The following ELMOD1 variants were observed in gnomAD, a reference collection of about 807,000 sequenced individuals.
ELMOD1 encodes the protein ELMO domain-containing protein 1.
Under a neutral mutation model 46.7 loss-of-function variants are expected in ELMOD1, and 21 were observed. The ratio of observed to expected loss-of-function variants is 0.45; its 90% confidence interval spans 0.32 to 0.65. The LOEUF (loss-of-function observed/expected upper bound fraction) is 0.65, where lower values mean the gene tolerates loss of function less well. Among genes scored for constraint, ELMOD1 ranks in the 30% least tolerant of loss-of-function variants. The pLI is 0.04. For synonymous variants in ELMOD1, 122 were observed against 138.2 expected (o/e 0.88, Z 0.82); for missense variants, 348 against 407.8 (o/e 0.85, Z 1.26).
rs774564700 is a variant in ELMOD1, at chr11:107,647,508, G to A, written c.461G>A (p.Arg154Gln). The A allele has an allele frequency of 1.2e-5, 20 of 1,613,032 alleles. No individual in the cohort carries two copies. In the South Asian group the frequency reaches 1.8e-4, roughly 14 times the overall value. Reference protein sequence around the residue: ...FLKPNTPLESRISKQWCEIGF... With the variant: ...FLKPNTPLESQISKQWCEIGF... ...AAGCCCAATACTCCACTGGAATCTC[G>A]GATTTCTAAGCAGTGGTGTGAAATT... is the stretch of plus-strand genomic sequence containing the variant. Residue 154 changes from arginine to glutamine, a missense_variant, in exon 7 of 12, where the codon CGG becomes CAG. Transcript: ENST00000265840.
intron 1 of ELMOD1, among the ~76,000 whole-genome samples, chr11:107,601,737 A>AT (rs1056103578): frequency 6.6e-6 from 1 of 151,856 alleles, no homozygotes; most frequent in Non-Finnish European, 1.5e-5. Context: ...TTTTCTATTA[A>AT]TTTTTTTATT....
intron 1 of ELMOD1, among the ~76,000 whole-genome samples, chr11:107,612,392 T>C (rs1865795111): frequency 6.6e-6 from 1 of 152,170 alleles, no homozygotes; most frequent in South Asian, 2.1e-4. Flanking sequence ...GTTGAAAAAC[T>C]AACTATTGGA....
At chr11:107,604,778 C>T (rs977659590) in intron 1 of ELMOD1, among the ~76,000 whole-genome samples, 1 of 152,132 alleles carries the variant, frequency 6.6e-6, no homozygotes, top group Admixed American at 6.5e-5. Context: ...TTGTTGCAGA[C>T]GCCCAGTCTA....
At chr11:107,603,012 T>A (rs1381648499) in intron 1 of ELMOD1, among the ~76,000 whole-genome samples, 1 of 152,164 alleles carries the variant, frequency 6.6e-6, no homozygotes, top group Non-Finnish European at 1.5e-5. Context: ...TTCTGGGAGT[T>A]GAGTGGGAGA....
intron 7 of ELMOD1, among the ~76,000 whole-genome samples, chr11:107,649,849 GT>G (rs1243282047): frequency 2.6e-5 from 4 of 152,124 alleles, no homozygotes; most frequent in African/African-American, 9.7e-5. Context: ...AAATGTTATT[GT>G]TTTTAACATA....
At chr11:107,655,301 A>G (rs1330508326) in intron 10 of ELMOD1, among the ~76,000 whole-genome samples, 2 of 152,174 alleles carry the variant, frequency 1.3e-5, no homozygotes, top group African/African-American at 4.8e-5. Flanking sequence ...TCTTTAGGAT[A>G]TTTGAATAGT....
intron 9 of ELMOD1, 46 bp downstream of exon 9, chr11:107,650,954 A>T: frequency 9.6e-7 from 1 of 1,043,940 alleles, no homozygotes; most frequent in Non-Finnish European, 1.3e-6. Context: ...ATTTTGTCTT[A>T]GAATAAGTAT....
intron 1 of ELMOD1, chr11:107,592,607 G>T (rs1383558205): frequency 3.4e-6 from 1 of 295,866 alleles, no homozygotes; most frequent in African/African-American, 2.2e-5. Flanking sequence ...TTTCTCGGGG[G>T]TCAGTTTAGT....
intron 1 of ELMOD1, chr11:107,591,637 C>G: frequency 2.8e-6 from 1 of 360,578 alleles, no homozygotes; most frequent in East Asian, 7.8e-5. Context: ...TCCTGTCCTC[C>G]CAATTAACAC....
At chr11:107,596,805 T>C (rs1865498677) in intron 1 of ELMOD1, among the ~76,000 whole-genome samples, 1 of 152,168 alleles carries the variant, frequency 6.6e-6, no homozygotes, top group Admixed American at 6.5e-5. Flanking sequence ...TGGGTTGAGT[T>C]ATAGTTTTTA....
At chr11:107,652,755 T>C (rs1866548184) in intron 9 of ELMOD1, among the ~76,000 whole-genome samples, 1 of 152,244 alleles carries the variant, frequency 6.6e-6, no homozygotes, top group Admixed American at 6.5e-5. Context: ...CACGTTTTAA[T>C]ATGAATTAAA....
intron 1 of ELMOD1, among the ~76,000 whole-genome samples, chr11:107,612,463 A>G (rs1323490209): frequency 6.6e-6 from 1 of 152,228 alleles, no homozygotes; most frequent in Non-Finnish European, 1.5e-5. Context: ...ATCACGCAAC[A>G]TACGCATATA....
At chr11:107,662,992 G>C (rs1347196624) in intron 11 of ELMOD1, among the ~76,000 whole-genome samples, 1 of 137,082 alleles carries the variant, frequency 7.3e-6, no homozygotes, top group Non-Finnish European at 1.6e-5. Context: ...GCTTTCTAAA[G>C]TGTTGAGATT....
At chr11:107,640,699 T>C (rs1866305955) in intron 6 of ELMOD1, among the ~76,000 whole-genome samples, 1 of 152,224 alleles carries the variant, frequency 6.6e-6, no homozygotes, top group Admixed American at 6.5e-5. Context: ...TTAAATACTT[T>C]GGTCACAACA....
rs548746063 is a variant in ELMOD1, at chr11:107,618,047, G to A, written c.-85-58G>A. On this transcript the variant is annotated intron_variant, in intron 1 of 11. Transcript: ENST00000265840. The stretch of plus-strand genomic sequence containing the variant: ...CTTGCCTCAGTAAGCAGAAATTTTT[G>A]GTTTGCAGCTTCCAGCCTTATTAGT... 1.2e-5 allele frequency: 11 copies of A among 893,024 alleles called. No individual in the cohort carries two copies. The East Asian group carries it at 2.9e-4, about 24-fold the overall frequency. 55.3% of individuals were successfully genotyped at this position (893,024 alleles called of 1,614,324 possible).
At position 107,634,611 on chromosome 11, in the gene ELMOD1, G is replaced by T. The variant is rs112877860; in HGVS notation, c.291-1025G>T. On this transcript the variant is annotated intron_variant, in intron 5 of 11. Coordinates refer to ENST00000265840, the MANE Select transcript of ELMOD1 (RefSeq NM_018712.4). Reference sequence around the variant, plus strand: ...TAAAAATTAACTAGATGTAGTGCTGGGCACCTGTAATCTCAGCTATTCGGG... The same window carrying T: ...TAAAAATTAACTAGATGTAGTGCTGTGCACCTGTAATCTCAGCTATTCGGG... Among the ~76,000 whole-genome samples the T allele has an allele frequency of 1.6e-3, 246 of 152,090 alleles. 1 individual carries two copies. Among genetic ancestry groups the T allele is most frequent in the African/African-American group, 5.6e-3 (233 of 41,494 alleles).
In ELMOD1 at chr11:107,641,522, C is replaced by A. The variant is rs1485653445; in HGVS notation, c.420+5757C>A. 3.3e-5 allele frequency among the ~76,000 whole-genome samples: 5 copies of A among 152,110 alleles called. No homozygotes were observed. The East Asian group carries it at 9.6e-4, about 29-fold the overall frequency. ...AAACAGGCATAAGCCACCATGAAATCACAGTCTGGTGAAAGCTTTTCAGCT... is the reference window on the plus strand; with the variant it reads ...AAACAGGCATAAGCCACCATGAAATAACAGTCTGGTGAAAGCTTTTCAGCT... On this transcript the variant is annotated intron_variant, in intron 6 of 11. Coordinates refer to ENST00000265840, the MANE Select transcript of ELMOD1 (RefSeq NM_018712.4).
intron 2 of ELMOD1, among the ~76,000 whole-genome samples, chr11:107,629,466 T>A (rs1184732511): frequency 4.6e-5 from 7 of 152,222 alleles, no homozygotes; most frequent in Non-Finnish European, 8.8e-5. Context: ...AGTTCCCGGA[T>A]AATAAGTCCT....
intron 1 of ELMOD1, among the ~76,000 whole-genome samples, chr11:107,614,290 A>G (rs922333718): frequency 2.6e-5 from 4 of 152,210 alleles, no homozygotes; most frequent in African/African-American, 2.4e-5. Context: ...AATTTTAGGT[A>G]TAGGATTTAT....
Sources: allele counts gnomAD v4.1 joint callset (sites outside exome capture counted in the v4.1 genomes callset), GRCh38; gene constraint gnomAD v4.1.1; transcripts MANE v1.5; gene names NCBI Gene and HGNC (gene_info 2026-07-23, HGNC 2026-07-21).